Variants in OPRD1 observed in about 807,000 individuals in gnomAD.
The protein encoded by OPRD1 is opioid receptor delta 1.
In OPRD1, 19 loss-of-function variants were observed where a neutral mutation model predicts 17.5. That is an observed-to-expected ratio of 1.09 (90% confidence interval 0.76 to 1.60). The LOEUF is 1.60. Among genes scored for constraint, OPRD1 ranks in the 40% most tolerant of loss-of-function variants. The pLI is 0.00. For missense variants in OPRD1, 483 were observed against 547.2 expected, an observed-to-expected ratio of 0.88 and a Z score of 1.17; for synonymous variants, 256 against 240.9, an observed-to-expected ratio of 1.06 and a Z score of -0.58.
intron 1 of OPRD1, among the ~76,000 whole-genome samples, chr1:28,858,262 C>T (rs1024215741): frequency 2.0e-5 from 3 of 151,076 alleles, no homozygotes; most frequent in Admixed American, 1.3e-4. Flanking sequence ...TACAGGCGCC[C>T]ACCATCACGC....
chr1:28,845,487 A>C (rs1177933192), intron 1 of OPRD1, among the ~76,000 whole-genome samples: 3 of 152,042 alleles, frequency 2.0e-5, no homozygotes, highest in Non-Finnish European at 4.4e-5. Context: ...TCAAAAAAAA[A>C]AAAAAAAATT....
At position 28,836,465 on chromosome 1, in the gene OPRD1, G is replaced by A. The variant is rs1184647310; in HGVS notation, c.228-22489G>A. Among the ~76,000 whole-genome samples, 3 of 150,170 alleles carry A rather than the reference G, an allele frequency of 2.0e-5. No individual in the cohort carries two copies. The East Asian group carries it at 5.9e-4, about 29-fold the overall frequency. Reference sequence around the variant, plus strand: ...GGAGAGGTTGCAGTGAGCCGAGATCGCGCCACTACACTCCAGCCTGGGCGA... The same window carrying A: ...GGAGAGGTTGCAGTGAGCCGAGATCACGCCACTACACTCCAGCCTGGGCGA... On this transcript the variant is annotated intron_variant, in intron 1 of 2. Coordinates refer to ENST00000234961, the MANE Select transcript of OPRD1 (RefSeq NM_000911.4).
At chr1:28,840,149 T>C (rs1008196568) in intron 1 of OPRD1, among the ~76,000 whole-genome samples, 1 of 152,124 alleles carries the variant, frequency 6.6e-6, no homozygotes, top group African/African-American at 2.4e-5. Context: ...CACATGAACA[T>C]TTATTCATTT....
At chr1:28,834,535 C>A (rs1339914584) in intron 1 of OPRD1, among the ~76,000 whole-genome samples, 1 of 151,690 alleles carries the variant, frequency 6.6e-6, no homozygotes, top group Non-Finnish European at 1.5e-5. Context: ...TGTGTGCCAC[C>A]ATGCTGGGTA....
At chr1:28,825,936 T>C (rs995265189) in intron 1 of OPRD1, among the ~76,000 whole-genome samples, 1 of 152,204 alleles carries the variant, frequency 6.6e-6, no homozygotes, top group Non-Finnish European at 1.5e-5. Context: ...TTGTCCCCCC[T>C]GAAGTACCAG....
rs1400301882 is a variant in OPRD1 at position 28,867,985 on chromosome 1, G to A, written c.*4702G>A. 1 of 152,344 alleles carries A rather than the reference G, an allele frequency of 6.6e-6. No individual in the cohort carries two copies. The highest frequency in any genetic ancestry group is 2.4e-5 in the African/African-American group (1 of 41,456). 9.4% of individuals were successfully genotyped at this position (152,344 alleles called of 1,614,324 possible). ...TTCCTGGCCCAGGAGCCACCATGGA[G>A]AGTGAGAAGCTGCCAGAGAAGCAGG... On this transcript the variant is annotated 3_prime_UTR_variant, in exon 3 of 3. Transcript: ENST00000234961.
At chr1:28,846,854 C>CT (rs869108855) in intron 1 of OPRD1, among the ~76,000 whole-genome samples, 2,317 of 53,712 alleles carry the variant, frequency 0.043, 66 homozygotes, top group African/African-American at 0.12. Context: ...TCTTTTCTTT[C>CT]TTTCTTTCTT....
At position 28,816,764 on chromosome 1, in the gene OPRD1, G is replaced by T. The variant is rs150974822; in HGVS notation, c.227+4154G>T. 4.8e-3 allele frequency among the ~76,000 whole-genome samples: 733 copies of T among 152,174 alleles called. 6 individuals are homozygous for T. The highest frequency in any genetic ancestry group is 0.017 in the African/African-American group (704 of 41,518). ...GCCCTGGTCCTCAGAGCAGACACCGGACAACCCCTTCCTCCGGGCAGAGTC... is the reference window on the plus strand; with the variant it reads ...GCCCTGGTCCTCAGAGCAGACACCGTACAACCCCTTCCTCCGGGCAGAGTC... On this transcript the variant is annotated intron_variant, in intron 1 of 2. Transcript: ENST00000234961.
At chr1:28,855,257 G>C (rs557353010) in intron 1 of OPRD1, among the ~76,000 whole-genome samples, 2 of 152,062 alleles carry the variant, frequency 1.3e-5, no homozygotes, top group African/African-American at 2.4e-5. Flanking sequence ...AAATATGGGG[G>C]GACCGGGGTT....
At chr1:28,846,299 C>G (rs1417524605) in intron 1 of OPRD1, among the ~76,000 whole-genome samples, 2 of 152,168 alleles carry the variant, frequency 1.3e-5, no homozygotes, top group Non-Finnish European at 2.9e-5. Flanking sequence ...ATGGCTTCAA[C>G]AACAGAGATT....
chr1:28,821,948 A>C (rs977290902), intron 1 of OPRD1, among the ~76,000 whole-genome samples: 22 of 134,964 alleles, frequency 1.6e-4, no homozygotes, highest in Middle Eastern at 4.1e-3. Flanking sequence ...ACATCTCATT[A>C]TTTCTTTCTT....
chr1:28,843,462 C>T (rs2088910812), intron 1 of OPRD1, among the ~76,000 whole-genome samples: 1 of 152,248 alleles, frequency 6.6e-6, no homozygotes, highest in Middle Eastern at 3.4e-3. Context: ...CCTAGCCCCT[C>T]GTAACCCCAG....
rs747969431 is a variant in OPRD1 at position 28,862,744 on chromosome 1, G to C, written c.580G>C (p.Gly194Arg). 2 of 1,595,776 alleles carry C rather than the reference G, an allele frequency of 1.3e-6. No homozygotes were observed. The highest frequency in any genetic ancestry group is 1.1e-5 in the South Asian group (1 of 88,506). The change falls in exon 3 of 3, where the codon GGG (glycine) becomes CGG (arginine). Residue 194 changes from glycine (G) to arginine (R), a missense_variant and splice_region_variant. Coordinates refer to ENST00000234961, the MANE Select transcript of OPRD1 (RefSeq NM_000911.4). Reference sequence around the variant, plus strand: ...CTTTCCTTGTTTCCGCGGCCCAGACGGGGCAGTGGTGTGCATGCTCCAGTT... The same window carrying C: ...CTTTCCTTGTTTCCGCGGCCCAGACCGGGCAGTGGTGTGCATGCTCCAGTT... Reference protein sequence around the residue: ...MVMAVTRPRDGAVVCMLQFPS... With the variant: ...MVMAVTRPRDRAVVCMLQFPS...
At chr1:28,855,046 G>A (rs767414316) in intron 1 of OPRD1, among the ~76,000 whole-genome samples, 1 of 152,154 alleles carries the variant, frequency 6.6e-6, no homozygotes, top group Non-Finnish European at 1.5e-5. Flanking sequence ...ACTTACATGG[G>A]CGAGAGACCC....
chr1:28,853,416 G>A (rs1446844617), intron 1 of OPRD1, among the ~76,000 whole-genome samples: 1 of 152,224 alleles, frequency 6.6e-6, no homozygotes, highest in East Asian at 1.9e-4. Flanking sequence ...TGGAAACACT[G>A]AATGGACTCT....
intron 1 of OPRD1, among the ~76,000 whole-genome samples, chr1:28,849,630 C>T (rs1009507945): frequency 4.6e-5 from 7 of 152,174 alleles, no homozygotes; most frequent in Non-Finnish European, 8.8e-5. Context: ...TTATATATCA[C>T]CAGATACTTG....
chr1:28,852,215 A>AGGAAAGGT (rs2089011740), intron 1 of OPRD1, among the ~76,000 whole-genome samples: 1 of 150,184 alleles, frequency 6.7e-6, no homozygotes, highest in Non-Finnish European at 1.5e-5. Context: ...GAAAGTGGGG[A>AGGAAAGGT]GGAAAGGTCC....
chr1:28,859,990 T>C (rs2089098261), intron 2 of OPRD1, among the ~76,000 whole-genome samples: 1 of 152,236 alleles, frequency 6.6e-6, no homozygotes, highest in South Asian at 2.1e-4. Context: ...CCCAGCCTCC[T>C]GTTGATGGTT....
At chr1:28,830,530 AAAC>A (rs532725797) in intron 1 of OPRD1, among the ~76,000 whole-genome samples, 4 of 152,090 alleles carry the variant, frequency 2.6e-5, no homozygotes, top group Non-Finnish European at 4.4e-5. Flanking sequence ...GTCAAAAATA[AAAC>A]AACAACAACA....
Sources: allele counts gnomAD v4.1 joint callset (sites outside exome capture counted in the v4.1 genomes callset), GRCh38; gene constraint gnomAD v4.1.1; transcripts MANE v1.5; gene names NCBI Gene and HGNC (gene_info 2026-07-23, HGNC 2026-07-21).